Variants in MICAL3 observed in about 807,000 individuals in gnomAD.
MICAL3 encodes [F-actin]-monooxygenase MICAL3.
In MICAL3, 62 loss-of-function variants were observed where a neutral mutation model predicts 207.4. The ratio of observed to expected loss-of-function variants is 0.30; its 90% CI spans 0.24 to 0.37. The LOEUF (loss-of-function observed/expected upper bound fraction) is 0.37. Ranked by LOEUF, MICAL3 falls within the 10% of genes least tolerant of loss-of-function variation. MICAL3 has a pLI of 1.00. For synonymous variants in MICAL3, 1,077 were observed against 1,069.3 expected, an observed-to-expected ratio of 1.01 and a Z score of -0.14; for missense variants, 2,368 against 2,635.6, an observed-to-expected ratio of 0.90 and a Z score of 2.22.
chr22:17,956,454 G>A (rs1934618019), intron 1 of MICAL3, among the ~76,000 whole-genome samples: 1 of 152,114 alleles, frequency 6.6e-6, no homozygotes, highest in Non-Finnish European at 1.5e-5. Flanking sequence ...CGGGCCTCCT[G>A]AGGTCAGGAG....
intron 1 of MICAL3, among the ~76,000 whole-genome samples, chr22:17,910,515 G>C (rs765393274): frequency 2.0e-5 from 3 of 152,140 alleles, no homozygotes; most frequent in African/African-American, 7.2e-5. Context: ...TTAATTCCCC[G>C]GCCGAAGAGA....
rs563233019 is a variant in MICAL3 at position 17,827,670 on chromosome 22, G to A, written c.3167C>T (p.Pro1056Leu). Reference protein sequence around the residue: ...REREEEERMAPASESSASGAP... With the variant: ...REREEEERMALASESSASGAP... ...TCCGGAAGCAGAGGACTCAGAGGCC[G>A]GCGCCATCCTCTCTTCCTCCTCTCT... The change falls in exon 22 of 32, where the codon CCG becomes CTG. Residue 1056 changes from proline (P) to leucine (L), a missense_variant. Pro to Leu is a moderately conservative substitution (Grantham distance 98, BLOSUM62 -3). Around this residue, in one of 4 missense-constraint regions of MICAL3, gnomAD observed 1,770 missense variants for 1,863.2 expected, o/e 0.95. Coordinates refer to ENST00000441493, the MANE Select transcript of MICAL3 (RefSeq NM_015241.3). 1.8e-4 allele frequency: 280 copies of A among 1,577,422 alleles called. 1 individual carries two copies. The highest frequency in any genetic ancestry group is 4.8e-4 in the South Asian group (41 of 85,854).
intron 1 of MICAL3, among the ~76,000 whole-genome samples, chr22:17,909,738 G>C (rs1195344271): frequency 1.3e-5 from 2 of 152,230 alleles, no homozygotes; most frequent in African/African-American, 4.8e-5. Flanking sequence ...GCTTATCTTA[G>C]AAATGTTAGA....
intron 9 of MICAL3, among the ~76,000 whole-genome samples, chr22:17,895,947 G>A (rs1445361631): frequency 6.6e-6 from 1 of 152,130 alleles, no homozygotes; most frequent in Non-Finnish European, 1.5e-5. Context: ...AGGGGTTTGA[G>A]AAACACTTAT....
chr22:17,933,785 A>C (rs923429034), intron 1 of MICAL3, among the ~76,000 whole-genome samples: 2 of 152,206 alleles, frequency 1.3e-5, no homozygotes, highest in African/African-American at 2.4e-5. Context: ...AAAAATGATA[A>C]AGGGAATATC....
chr22:17,912,098 G>A (rs1260584433), intron 1 of MICAL3, among the ~76,000 whole-genome samples: 1 of 152,164 alleles, frequency 6.6e-6, no homozygotes, highest in East Asian at 1.9e-4. Flanking sequence ...ACTCCAGCCT[G>A]GGCAACATAG....
At position 17,917,230 on chromosome 22, in the gene MICAL3, C is replaced by T. The variant is rs372207128; in HGVS notation, c.-74-10344G>A. ...CTTGTGCGACCAATCACTTGTGTGA[C>T]TTTTCTACCTGGATGTTTGACAGGC... On this transcript the variant is annotated intron_variant, in intron 1 of 31. Coordinates refer to ENST00000441493, the MANE Select transcript of MICAL3 (RefSeq NM_015241.3). Among the ~76,000 whole-genome samples, 93 of 152,250 alleles carry T rather than the reference C, an allele frequency of 6.1e-4. 1 individual carries two copies. The South Asian group carries it at 0.018, about 30-fold the overall frequency.
rs1351771532 is a variant in MICAL3, at chr22:17,916,237, G to A, written c.-74-9351C>T. 4.0e-5 allele frequency among the ~76,000 whole-genome samples: 6 copies of A among 151,820 alleles called. No homozygotes were observed. In the East Asian group the frequency reaches 1.2e-3, roughly 29 times the overall value. ...CATCTGCCTTCCCTCCAATGATAGC[G>A]AGCGACATCTGCCGCATGTCTCGCT... On this transcript the variant is annotated intron_variant, in intron 1 of 31. Coordinates refer to ENST00000441493, the MANE Select transcript of MICAL3 (RefSeq NM_015241.3).
chr22:17,819,256 G>A (rs1921280036), intron 25 of MICAL3, 127 bp from the exon 26 acceptor site: 1 of 987,560 alleles, frequency 1.0e-6, no homozygotes, highest in Non-Finnish European at 1.4e-6. Context: ...CGTCCTTCCA[G>A]CTGTTATTAG....
chr22:17,810,634 T>C (rs1164995599), intron 28 of MICAL3, 69 bp downstream of exon 28: 11 of 1,260,922 alleles, frequency 8.7e-6, no homozygotes, highest in Non-Finnish European at 1.3e-5. Context: ...AGGGAGCAGC[T>C]GGGTGGATAG....
At chr22:17,799,739 C>T (rs1227340127) in intron 29 of MICAL3, among the ~76,000 whole-genome samples, 1 of 152,130 alleles carries the variant, frequency 6.6e-6, no homozygotes, top group Non-Finnish European at 1.5e-5. Context: ...AAGCAGCTGT[C>T]ATGACAGGGT....
At chr22:17,865,050 T>G (rs1926932344) in intron 18 of MICAL3, 64 bp from the exon 19 acceptor site, 1 of 1,456,022 alleles carries the variant, frequency 6.9e-7, no homozygotes, top group East Asian at 2.4e-5. Context: ...CTCAAATCCC[T>G]AGAGGCACTG....
chr22:17,845,496 C>T (rs931209320), intron 19 of MICAL3, among the ~76,000 whole-genome samples: 3 of 152,082 alleles, frequency 2.0e-5, no homozygotes, highest in Non-Finnish European at 2.9e-5. Context: ...CACGTATGCA[C>T]TCATGGGAGA....
At chr22:17,851,251 G>C (rs1925299501) in intron 19 of MICAL3, among the ~76,000 whole-genome samples, 1 of 152,160 alleles carries the variant, frequency 6.6e-6, no homozygotes, top group Non-Finnish European at 1.5e-5. Flanking sequence ...ATAGTTGCAG[G>C]GCTGATCTCT....
Position 17,864,221 on chromosome 22 carries a change from C to G in MICAL3, c.2605+678G>C, listed in dbSNP as rs1926818831. On this transcript the variant is annotated intron_variant, in intron 19 of 31. Transcript: ENST00000441493. ...TGTGTTTGTAGAGGTAGAGATGGTA[C>G]TGTTCACCTCCCAACACAAGGAAGT... 3.0e-6 allele frequency: 3 copies of G among 1,013,552 alleles called. No homozygotes were observed. In the South Asian group the frequency reaches 1.3e-4, roughly 43 times the overall value. 62.8% of individuals were successfully genotyped at this position (1,013,552 alleles called of 1,614,324 possible). A position where few individuals can be genotyped will look rare whatever the true frequency, so the allele number is the denominator to read the frequency against.
intron 1 of MICAL3, among the ~76,000 whole-genome samples, chr22:17,927,142 T>A (rs1396269651): frequency 6.6e-6 from 1 of 152,218 alleles, no homozygotes; most frequent in East Asian, 1.9e-4. Context: ...GCTCTATGAA[T>A]CTGTCTATTC....
chr22:17,873,548 A>G (rs1927942963), intron 16 of MICAL3, among the ~76,000 whole-genome samples: 3 of 152,252 alleles, frequency 2.0e-5, no homozygotes, highest in Admixed American at 6.5e-5. Context: ...AGAGCCTTCT[A>G]GACTGGGCTG....
rs573985147 is a variant in MICAL3 at position 17,994,396 on chromosome 22, G to A, written c.-75+29885C>T. On this transcript the variant is annotated intron_variant, in intron 1 of 31. Coordinates refer to ENST00000441493, the MANE Select transcript of MICAL3 (RefSeq NM_015241.3). ...CTTCCAACACTGGCACTGGCCTCCC[G>A]GGACCCATGCTACCTCCAGACTTCA... Among the ~76,000 whole-genome samples the A allele has an allele frequency of 5.2e-4, 79 of 152,262 alleles. 1 individual carries two copies. Among genetic ancestry groups the A allele is most frequent in the Admixed American group, 1.4e-3 (21 of 15,286 alleles).
intron 1 of MICAL3, among the ~76,000 whole-genome samples, chr22:17,930,340 C>T (rs1933180901): frequency 6.6e-6 from 1 of 152,138 alleles, no homozygotes; most frequent in Non-Finnish European, 1.5e-5. Flanking sequence ...TTATGTTAGC[C>T]AAAAGACAAG....
Sources: allele counts gnomAD v4.1 joint callset (sites outside exome capture counted in the v4.1 genomes callset), GRCh38; gene constraint gnomAD v4.1.1; regional missense constraint gnomAD v4.1.1; transcripts MANE v1.5; gene names NCBI Gene and HGNC (gene_info 2026-07-23, HGNC 2026-07-21).